Variants in FPGS observed in about 807,000 individuals in gnomAD.
FPGS encodes the protein folylpolyglutamate synthase, mitochondrial.
FPGS carries 53 observed loss-of-function variants against 66.5 expected under a neutral mutation model. The ratio of observed to expected loss-of-function variants is 0.80; its 90% CI spans 0.64 to 1.00. The LOEUF is 1.00. Among genes scored for constraint, FPGS ranks in the 50% least tolerant of loss-of-function variants. The pLI is 0.00. For synonymous variants in FPGS, 348 were observed against 350.9 expected, an observed-to-expected ratio of 0.99 and a Z score of 0.09; for missense variants, 702 against 807.7, an observed-to-expected ratio of 0.87 and a Z score of 1.59.
chr9:127,811,337 C>T (rs1394513543), intron 14 of FPGS, among the ~76,000 whole-genome samples: 5 of 152,004 alleles, frequency 3.3e-5, no homozygotes, highest in South Asian at 2.1e-4. Flanking sequence ...AAAAAATTAG[C>T]CAGGCGTAGT....
chr9:127,809,594 G>A lies in FPGS; in HGVS notation c.1061-90G>A, dbSNP rs374321512. 1.1e-4 allele frequency: 145 copies of A among 1,329,642 alleles called. 2 individuals are homozygous for A. In the African/African-American group the frequency reaches 1.8e-3, roughly 16 times the overall value. The allele number at this position is 1,329,642 out of a possible 1,614,324, so 82.4% of individuals were successfully genotyped here. On this transcript the variant is annotated intron_variant, in intron 11 of 14. Transcript: ENST00000373247. ...TGAGTGTTGAGGGCGGGCGCAGCCTGCAGGGGAGAACGGGCTCAGGAGTGT... is the reference window on the plus strand; with the variant it reads ...TGAGTGTTGAGGGCGGGCGCAGCCTACAGGGGAGAACGGGCTCAGGAGTGT...
At chr9:127,809,272 C>T (rs1829960364) in intron 11 of FPGS, among the ~76,000 whole-genome samples, 1 of 152,162 alleles carries the variant, frequency 6.6e-6, no homozygotes, top group Non-Finnish European at 1.5e-5. Flanking sequence ...GTGATCCAGT[C>T]ATCTGCTTCT....
chr9:127,813,236 C>T lies in FPGS; in HGVS notation c.1396C>T (p.Arg466Cys), dbSNP rs35789560. The T allele has an allele frequency of 9.9e-3, 15,965 of 1,607,698 alleles. 117 individuals are homozygous for T. Among genetic ancestry groups the T allele is most frequent in the Non-Finnish European group, 0.011 (12,773 of 1,176,746 alleles). The change falls in exon 15 of 15, where the codon CGC becomes TGC. Residue 466 changes from arginine to cysteine, a missense_variant. Arg to Cys is a radical substitution (Grantham distance 180). Coordinates refer to ENST00000373247, the MANE Select transcript of FPGS (RefSeq NM_004957.6). ...AGTGACACTGGACCAGGTCCTGCTC[C>T]GCTGCCTGGAACACCAGCAGCACTG... ...FTVTLDQVLLRCLEHQQHWNH... is the reference protein window; with the variant it reads ...FTVTLDQVLLCCLEHQQHWNH...
Position 127,808,794 on chromosome 9 carries a change from C to T in FPGS, c.971-6C>T. On this transcript the variant is annotated splice_region_variant and splice_polypyrimidine_tract_variant and intron_variant, in intron 10 of 14. Coordinates refer to ENST00000373247, the MANE Select transcript of FPGS (RefSeq NM_004957.6). Reference sequence around the variant, plus strand: ...CCGGACACACTTGGTCTCACACACCCCGCAGGTGCTGGGGAGCCAAAGGCA... The same window carrying T: ...CCGGACACACTTGGTCTCACACACCTCGCAGGTGCTGGGGAGCCAAAGGCA... 1 of 1,557,158 alleles carries T rather than the reference C, an allele frequency of 6.4e-7. No homozygotes were observed. The highest frequency in any genetic ancestry group is 1.9e-5 in the Admixed American group (1 of 51,646).
chr9:127,808,607 C>T lies in FPGS; in HGVS notation c.872C>T (p.Pro291Leu), dbSNP rs745917370. The T allele has an allele frequency of 9.9e-6, 16 of 1,612,222 alleles. No homozygotes were observed. Among genetic ancestry groups the T allele is most frequent in the South Asian group, 4.4e-5 (4 of 90,920 alleles). Residue 291 changes from proline (P) to leucine (L), a missense_variant, in exon 10 of 15, where the codon CCG becomes CTG. Transcript: ENST00000373247. ...CTGGAGGCCCTCGAGGAAGGGGGGCCGCCGCTGACCCTGGGCCTGGAGGGG... is the reference window on the plus strand; with the variant it reads ...CTGGAGGCCCTCGAGGAAGGGGGGCTGCCGCTGACCCTGGGCCTGGAGGGG... ...PMLEALEEGG[P>L]PLTLGLEGEH...
At position 127,810,017 on chromosome 9, in the gene FPGS, C is replaced by G. The variant is rs568982346; in HGVS notation, c.1212-14C>G. ...GGCGGCGCCCTTTGACCCAGCTCCT[C>G]ACCTCTGTCGCAGTGGCCCCGAGGT... On this transcript the variant is annotated splice_polypyrimidine_tract_variant and intron_variant, in intron 12 of 14. Transcript: ENST00000373247. The G allele has an allele frequency of 6.2e-7, 1 of 1,607,770 alleles. No individual in the cohort carries two copies. The highest frequency in any genetic ancestry group is 1.1e-5 in the South Asian group (1 of 89,964).
chr9:127,807,755 T>C lies in FPGS; in HGVS notation c.744+67T>C. 1 of 1,030,476 alleles carries C rather than the reference T, an allele frequency of 9.7e-7. No individual in the cohort carries two copies. Among genetic ancestry groups the C allele is most frequent in the Non-Finnish European group, 1.4e-6 (1 of 702,720 alleles). 63.8% of individuals were successfully genotyped at this position (1,030,476 alleles called of 1,614,324 possible). A position where few individuals can be genotyped will look rare whatever the true frequency, so the allele number is the denominator to read the frequency against. On this transcript the variant is annotated intron_variant, in intron 8 of 14. Coordinates refer to ENST00000373247, the MANE Select transcript of FPGS (RefSeq NM_004957.6). This position sits in a 1 kb window ranked among gnomAD's most constrained non-coding sequence, Gnocchi z 5.8. Reference sequence around the variant, plus strand: ...TGGGAGTCTACGTTTTCATCCTGGCTTCACTGTGTGACTGGAACAAGTTGA... The same window carrying C: ...TGGGAGTCTACGTTTTCATCCTGGCCTCACTGTGTGACTGGAACAAGTTGA...
At position 127,809,787 on chromosome 9, in the gene FPGS, C is replaced by T. The variant is rs1293322463; in HGVS notation, c.1164C>T (p.Cys388=). Residue 388 remains cysteine, a synonymous_variant, in exon 12 of 15, where the codon TGC becomes TGT. Coordinates refer to ENST00000373247, the MANE Select transcript of FPGS (RefSeq NM_004957.6). ...GAHTASSAQA[C]VRWFRQALQG... ...ACACCGCCAGCAGCGCGCAGGCCTG[C>T]GTGCGCTGGTTCCGCCAGGCGCTGC... The T allele has an allele frequency of 8.0e-6, 12 of 1,499,084 alleles. No individual in the cohort carries two copies. Among genetic ancestry groups the T allele is most frequent in the Non-Finnish European group, 9.7e-6 (11 of 1,130,908 alleles). 92.9% of individuals were successfully genotyped at this position (1,499,084 alleles called of 1,614,324 possible). A position where few individuals can be genotyped will look rare whatever the true frequency, so the allele number is the denominator to read the frequency against.
At chr9:127,804,870 C>A in intron 4 of FPGS, 170 bp downstream of exon 4, 1 of 652,590 alleles carries the variant, frequency 1.5e-6, no homozygotes, top group Non-Finnish European at 2.7e-6. Context: ...CATATTGGCC[C>A]ATGTTTATGG....
Position 127,802,951 on chromosome 9 carries a change from C to A in FPGS, c.27C>A (p.Arg9=). The change falls in exon 1 of 15, where the codon CGC becomes CGA. Residue 9 remains arginine (R), a synonymous_variant. Coordinates refer to ENST00000373247, the MANE Select transcript of FPGS (RefSeq NM_004957.6). ...TGTCGCGGGCGCGGAGCCACCTGCG[C>A]GCCGCTCTATTCCTGGCAGCGGCGT... MSRARSHL[R]AALFLAAASA... is the part of the protein sequence containing the mutation. 1 of 1,409,300 alleles carries A rather than the reference C, an allele frequency of 7.1e-7. No homozygotes were observed. 87.3% of individuals were successfully genotyped at this position (1,409,300 alleles called of 1,614,324 possible). A position where few individuals can be genotyped will look rare whatever the true frequency, so the allele number is the denominator to read the frequency against.
chr9:127,810,182 C>A, intron 13 of FPGS, 76 bp downstream of exon 13: 3 of 1,186,872 alleles, frequency 2.5e-6, no homozygotes, highest in Non-Finnish European at 3.7e-6. Flanking sequence ...TGGGGGGTGC[C>A]AATCCCCTCC....
Position 127,809,751 on chromosome 9 carries a change from G to A in FPGS, c.1128G>A (p.Leu376=). The A allele has an allele frequency of 2.5e-6, 4 of 1,584,318 alleles. No homozygotes were observed. The highest frequency in any genetic ancestry group is 3.4e-6 in the Non-Finnish European group (4 of 1,174,578). ...VLRRGPLTWY[L]DGAHTASSAQ... ...GGCGCGGGCCCCTCACCTGGTACCT[G>A]GACGGTGCGCACACCGCCAGCAGCG... Residue 376 remains leucine, a synonymous_variant, in exon 12 of 15, where the codon CTG becomes CTA. Coordinates refer to ENST00000373247, the MANE Select transcript of FPGS (RefSeq NM_004957.6).
intron 14 of FPGS, 103 bp from the exon 15 acceptor site, chr9:127,813,092 G>T (rs1441341024): frequency 4.1e-6 from 6 of 1,473,744 alleles, no homozygotes; most frequent in African/African-American, 1.4e-5. Context: ...GACGTAAAAG[G>T]CTTGGTGCGA....
At chr9:127,811,100 A>G in intron 14 of FPGS, 89 bp downstream of exon 14, 1 of 696,212 alleles carries the variant, frequency 1.4e-6, no homozygotes, top group South Asian at 1.9e-5. Flanking sequence ...TTGGGGTAGG[A>G]AATAAATTTG....
intron 4 of FPGS, among the ~76,000 whole-genome samples, chr9:127,806,322 A>G (rs561455114): frequency 1.3e-5 from 2 of 152,048 alleles, no homozygotes; most frequent in East Asian, 3.9e-4. Context: ...CCTGGCTAAC[A>G]TGGCGTAACC....
At chr9:127,812,454 G>T (rs576397514) in intron 14 of FPGS, among the ~76,000 whole-genome samples, 1 of 151,032 alleles carries the variant, frequency 6.6e-6, no homozygotes, top group Non-Finnish European at 1.5e-5. Context: ...CCTCAGCCTC[G>T]TGAGTAGCCG....
At chr9:127,806,792 G>A (rs1564442088) in intron 4 of FPGS, 181 bp from the exon 5 acceptor site, 2 of 608,500 alleles carry the variant, frequency 3.3e-6, no homozygotes, top group Non-Finnish European at 5.9e-6. Context: ...GCAGAGGCCT[G>A]GAGATAGAAG....
At position 127,807,332 on chromosome 9, in the gene FPGS, G is replaced by A. The variant is rs558245066; in HGVS notation, c.579+46G>A. On this transcript the variant is annotated intron_variant, in intron 6 of 14. Transcript: ENST00000373247. The surrounding 1 kb of genome is among the most constrained non-coding windows in gnomAD (Gnocchi z 5.8). ...ACCCTGCATCTGAGGCCTTGGGAAC[G>A]GGAACCTCAGCAGGCCTGGGGGCTC... is the stretch of plus-strand genomic sequence containing the variant. 1.6e-5 allele frequency: 26 copies of A among 1,612,976 alleles called. No individual in the cohort carries two copies. Among genetic ancestry groups the A allele is most frequent in the African/African-American group, 4.0e-5 (3 of 75,034 alleles).
chr9:127,807,708 G>C lies in FPGS; in HGVS notation c.744+20G>C. On this transcript the variant is annotated intron_variant, in intron 8 of 14. Transcript: ENST00000373247. This position sits in a 1 kb window ranked among gnomAD's most constrained non-coding sequence, Gnocchi z 5.8. ...TTTAAGGTGACCAGGCAGACTGGGG[G>C]AAGGGAGAGACATGGAAGGCCTGGG... 6.6e-7 allele frequency: 1 copy of C among 1,506,488 alleles called. No individual in the cohort carries two copies. Among genetic ancestry groups the C allele is most frequent in the Non-Finnish European group, 9.0e-7 (1 of 1,107,572 alleles). The allele number at this position is 1,506,488 out of a possible 1,614,324, so 93.3% of individuals were successfully genotyped here.
Sources: allele counts gnomAD v4.1 joint callset (sites outside exome capture counted in the v4.1 genomes callset), GRCh38; gene constraint gnomAD v4.1.1; non-coding constraint Gnocchi (gnomAD v3.1); transcripts MANE v1.5; gene names NCBI Gene and HGNC (gene_info 2026-07-23, HGNC 2026-07-21).